Variants in GRIP1 observed in about 807,000 individuals in gnomAD.
The protein encoded by GRIP1 is glutamate receptor-interacting protein 1.
A neutral mutation model predicts 129.9 loss-of-function variants in GRIP1; 45 were observed. That is an observed-to-expected ratio of 0.35 (90% CI 0.27 to 0.44). GRIP1 has a LOEUF of 0.44. Among genes scored for constraint, GRIP1 ranks in the 20% least tolerant of loss-of-function variants. GRIP1 has a pLI of 1.00. For missense variants in GRIP1, 1,196 were observed against 1,396.8 expected (o/e 0.86, Z 2.29); for synonymous variants, 530 against 520.8 (o/e 1.02, Z -0.24).
At chr12:66,901,821 C>A (rs2040848473) in intron 1 of GRIP1, among the ~76,000 whole-genome samples, 1 of 152,194 alleles carries the variant, frequency 6.6e-6, no homozygotes, top group Non-Finnish European at 1.5e-5. Context: ...TCCTTGTTAC[C>A]TTCTCACTGC....
At chr12:66,815,351 C>T (rs1422504100) in intron 1 of GRIP1, among the ~76,000 whole-genome samples, 1 of 152,084 alleles carries the variant, frequency 6.6e-6, no homozygotes, top group Non-Finnish European at 1.5e-5. Flanking sequence ...TTTCAGAAAA[C>T]TCTGCCTGAT....
chr12:66,787,867 A>G (rs2038403856), intron 1 of GRIP1, among the ~76,000 whole-genome samples: 1 of 152,166 alleles, frequency 6.6e-6, no homozygotes. Context: ...AGGGACTTAA[A>G]GAGTGACAGA....
chr12:66,834,880 A>G (rs1427536875), intron 1 of GRIP1, among the ~76,000 whole-genome samples: 1 of 138,674 alleles, frequency 7.2e-6, no homozygotes, highest in African/African-American at 2.6e-5. Flanking sequence ...TGCTCACACA[A>G]CTACACTCCA....
intron 1 of GRIP1, among the ~76,000 whole-genome samples, chr12:66,812,482 T>G (rs2039122867): frequency 6.6e-6 from 1 of 152,212 alleles, no homozygotes; most frequent in Non-Finnish European, 1.5e-5. Flanking sequence ...ATTCGTCTGT[T>G]TGTTCATTTA....
At chr12:67,029,270 ATGT>A (rs1215239642) in intron 1 of GRIP1, among the ~76,000 whole-genome samples, 10 of 151,680 alleles carry the variant, frequency 6.6e-5, no homozygotes, top group African/African-American at 9.7e-5. Flanking sequence ...TTTTGGAGTC[ATGT>A]TGTTGTTGTT....
chr12:66,842,170 A>G (rs2039730864), intron 1 of GRIP1, among the ~76,000 whole-genome samples: 1 of 152,156 alleles, frequency 6.6e-6, no homozygotes, highest in African/African-American at 2.4e-5. Context: ...TTACCCAGAA[A>G]AAAACAAACA....
chr12:66,371,971 A>G (rs567314112), intron 22 of GRIP1, 44 bp from the exon 23 acceptor site: 3 of 1,283,714 alleles, frequency 2.3e-6, no homozygotes, highest in East Asian at 2.3e-5. Context: ...CCATGGACTA[A>G]GGAAAGGATT....
chr12:66,611,780 C>A (rs557637049), intron 1 of GRIP1, among the ~76,000 whole-genome samples: 2 of 124,690 alleles, frequency 1.6e-5, no homozygotes, highest in Non-Finnish European at 3.3e-5. Flanking sequence ...TGAGAGAAGG[C>A]AATTCTTTAT....
At position 66,994,351 on chromosome 12, in the gene GRIP1, TTAAGG is replaced by T. The variant is rs553162869; in HGVS notation, c.58+74694_58+74698del. Among the ~76,000 whole-genome samples, 250 of 152,020 alleles carry T rather than the reference TTAAGG, an allele frequency of 1.6e-3. 1 individual carries two copies. The highest frequency in any genetic ancestry group is 2.9e-3 in the Non-Finnish European group (195 of 67,950). Reference sequence around the variant, plus strand: ...AGTTGATTCAATATCTGAAAATCAATTAAGGTAACATATTATATCAATAAAATAAA... The same window carrying T: ...AGTTGATTCAATATCTGAAAATCAATTAACATATTATATCAATAAAATAAA... On this transcript the variant is annotated intron_variant, in intron 1 of 1. Coordinates refer to the GRIP1 transcript ENST00000643019.
In GRIP1 at chr12:66,995,711, T is replaced by A. The variant is rs2042457226; in HGVS notation, c.58+73339A>T. 2.0e-5 allele frequency among the ~76,000 whole-genome samples: 3 copies of A among 152,272 alleles called. No homozygotes were observed. In the South Asian group the frequency reaches 6.2e-4, roughly 32 times the overall value. On this transcript the variant is annotated intron_variant, in intron 1 of 1. Transcript: ENST00000643019. ...CAAGTGTTGGACATGGAGAAACTTA[T>A]ACATTGCTTGGTAAGAAGATAAAGT... is the stretch of plus-strand genomic sequence containing the variant.
intron 7 of GRIP1, among the ~76,000 whole-genome samples, chr12:66,468,441 G>A (rs2138386803): frequency 6.6e-6 from 1 of 152,308 alleles, no homozygotes; most frequent in South Asian, 2.1e-4. Context: ...ATTCCAATAG[G>A]CCTTTTCATT....
At chr12:66,944,389 A>T (rs2041633879) in intron 1 of GRIP1, among the ~76,000 whole-genome samples, 1 of 152,184 alleles carries the variant, frequency 6.6e-6, no homozygotes, top group East Asian at 1.9e-4. Context: ...ATGTCCTTTT[A>T]AGTAAATGTG....
At chr12:66,757,056 G>A (rs1279735259) in intron 1 of GRIP1, among the ~76,000 whole-genome samples, 1 of 151,996 alleles carries the variant, frequency 6.6e-6, no homozygotes, top group African/African-American at 2.4e-5. Flanking sequence ...GGGTAAATGA[G>A]GTATCCATTA....
intron 1 of GRIP1, among the ~76,000 whole-genome samples, chr12:67,032,765 A>G (rs1379183018): frequency 6.6e-6 from 1 of 152,188 alleles, no homozygotes; most frequent in Non-Finnish European, 1.5e-5. Context: ...ACAGATCTCA[A>G]TCAGAACTGT....
Position 66,533,212 on chromosome 12 carries a change from T to G in GRIP1, c.419-3298A>C, listed in dbSNP as rs142171818. ...ATTTTTATTTTTATTATTTATTTATTTTTAATTGAGACAGGGTCTTTCTAT... is the reference window on the plus strand; with the variant it reads ...ATTTTTATTTTTATTATTTATTTATGTTTAATTGAGACAGGGTCTTTCTAT... On this transcript the variant is annotated intron_variant, in intron 4 of 24. Coordinates refer to ENST00000359742, the MANE Select transcript of GRIP1 (RefSeq NM_001366722.1). Among the ~76,000 whole-genome samples the G allele has an allele frequency of 9.2e-5, 14 of 152,182 alleles. No individual in the cohort carries two copies. The East Asian group carries it at 1.6e-3, about 17-fold the overall frequency.
chr12:66,394,133 C>G (rs1592756426), intron 17 of GRIP1, 75 bp downstream of exon 17: 2 of 1,308,634 alleles, frequency 1.5e-6, no homozygotes, highest in East Asian at 4.6e-5. Flanking sequence ...GAGAGAGGAG[C>G]ATGTTTTTAT....
chr12:66,641,036 G>T (rs1433072394), intron 1 of GRIP1, among the ~76,000 whole-genome samples: 1 of 152,166 alleles, frequency 6.6e-6, no homozygotes, highest in Non-Finnish European at 1.5e-5. Flanking sequence ...CTATGCTAGA[G>T]GAGGCTGAGT....
At chr12:66,949,731 T>C (rs1481608492) in intron 1 of GRIP1, among the ~76,000 whole-genome samples, 1 of 151,386 alleles carries the variant, frequency 6.6e-6, no homozygotes, top group Non-Finnish European at 1.5e-5. Context: ...AAATCTAAGA[T>C]TATGAACTGA....
At chr12:66,892,609 CA>C (rs1566067475) in intron 1 of GRIP1, among the ~76,000 whole-genome samples, 2 of 151,986 alleles carry the variant, frequency 1.3e-5, no homozygotes, top group African/African-American at 4.8e-5. Flanking sequence ...CATATATACA[CA>C]TTTTTGCTAT....
Sources: gnomAD v4.1 joint callset for allele counts (sites outside exome capture counted in the v4.1 genomes callset) on GRCh38, gnomAD v4.1.1 for gene constraint, MANE v1.5 for transcripts, NCBI Gene and HGNC (gene_info 2026-07-23, HGNC 2026-07-21) for gene names.